Variants in PGBD2 observed in about 807,000 individuals in gnomAD.
The protein encoded by PGBD2 is piggyBac transposable element-derived protein 2.
A neutral mutation model predicts 8.1 loss-of-function variants in PGBD2; 6 were observed. The observed-to-expected ratio is 0.74, with a 90% CI of 0.40 to 1.46. The LOEUF (loss-of-function observed/expected upper bound fraction) is 1.46, where lower values mean the gene tolerates loss of function less well. PGBD2 is among the 40% of genes most tolerant of loss of function. The pLI is 0.02. For missense variants in PGBD2, 802 were observed against 739.0 expected (o/e 1.09, Z -0.99); for synonymous variants, 318 against 272.2 (o/e 1.17, Z -1.66).
downstream of PGBD2, among the ~76,000 whole-genome samples, chr1:248,922,393 C>T (rs1161490801): frequency 6.6e-6 from 1 of 152,180 alleles, no homozygotes; most frequent in Admixed American, 6.5e-5. Context: ...ACAATCATGT[C>T]ATCTGCAAAC....
downstream of PGBD2, among the ~76,000 whole-genome samples, chr1:248,922,521 C>G (rs556889625): frequency 3.9e-5 from 6 of 152,152 alleles, no homozygotes; most frequent in African/African-American, 1.4e-4. Flanking sequence ...GAGAGGGCAT[C>G]CTTGTCTTGT....
chr1:248,925,550 T>C, the PGBD2 span, among the ~76,000 whole-genome samples: 1 of 151,766 alleles, frequency 6.6e-6, no homozygotes, highest in Admixed American at 6.6e-5. Flanking sequence ...TAGGATATTT[T>C]CTAACCTCTG....
At chr1:248,890,117 G>C in the PGBD2 span, among the ~76,000 whole-genome samples, 1 of 151,846 alleles carries the variant, frequency 6.6e-6, no homozygotes, top group Non-Finnish European at 1.5e-5. Flanking sequence ...AGTAGAGACG[G>C]GGTTTCTCCA....
rs760946071 is a variant in PGBD2, at chr1:248,918,269, G to A, written c.1685G>A (p.Arg562Gln). Reference sequence around the variant, plus strand: ...ATTATCCATCAGGACAAGAGGACCCGGTGTGCCCTCTGCCACTCACAGACC... The same window carrying A: ...ATTATCCATCAGGACAAGAGGACCCAGTGTGCCCTCTGCCACTCACAGACC... ...HWIIHQDKRT[R>Q]CALCHSQTNT... The change falls in exon 3 of 3, where the codon CGG becomes CAG. Residue 562 changes from arginine (R) to glutamine (Q), a missense_variant. Arg to Gln is a conservative substitution (Grantham distance 43). Coordinates refer to ENST00000329291, the MANE Select transcript of PGBD2 (RefSeq NM_170725.3). The A allele has an allele frequency of 6.8e-6, 11 of 1,611,206 alleles. No individual in the cohort carries two copies. The highest frequency in any genetic ancestry group is 6.6e-5 in the South Asian group (6 of 90,532).
chr1:248,905,761 G>A (rs1030174293), upstream of PGBD2, among the ~76,000 whole-genome samples: 4 of 152,164 alleles, frequency 2.6e-5, no homozygotes, highest in Non-Finnish European at 5.9e-5. Flanking sequence ...GTCAAGAGTG[G>A]AGGTTGAGAA....
chr1:248,925,559 T>C, the PGBD2 span, among the ~76,000 whole-genome samples: 1 of 150,668 alleles, frequency 6.6e-6, no homozygotes, highest in Non-Finnish European at 1.5e-5. Flanking sequence ...TTCTAACCTC[T>C]GCTACCATGA....
At chr1:248,888,609 T>C in the PGBD2 span, among the ~76,000 whole-genome samples, 3,083 of 152,322 alleles carry the variant, frequency 0.02, 101 homozygotes, top group African/African-American at 0.069. Context: ...TGTTGATTTG[T>C]TTCAGTTCCT....
intron 2 of PGBD2, 140 bp from the exon 3 acceptor site, chr1:248,916,462 T>A: frequency 2.9e-6 from 2 of 679,722 alleles, no homozygotes; most frequent in Non-Finnish European, 4.9e-6. Context: ...ATTTACTTAC[T>A]AAATGCGGTG....
the PGBD2 span, among the ~76,000 whole-genome samples, chr1:248,887,245 T>G: frequency 6.6e-6 from 1 of 152,200 alleles, no homozygotes. Flanking sequence ...TACTCAAATT[T>G]CCCCAGCTTT....
At chr1:248,894,289 GT>G in the PGBD2 span, among the ~76,000 whole-genome samples, 98 of 151,002 alleles carry the variant, frequency 6.5e-4, no homozygotes, top group Non-Finnish European at 1.2e-3. Context: ...TTTTTTTGTG[GT>G]TTTTTTTGCC....
the PGBD2 span, among the ~76,000 whole-genome samples, chr1:248,927,260 G>T: frequency 6.6e-6 from 1 of 152,186 alleles, no homozygotes; most frequent in Non-Finnish European, 1.5e-5. Flanking sequence ...GCATGAGAAT[G>T]TCGGGAAGGG....
At chr1:248,927,184 T>C in the PGBD2 span, among the ~76,000 whole-genome samples, 36 of 152,258 alleles carry the variant, frequency 2.4e-4, no homozygotes, top group Non-Finnish European at 4.0e-4. Context: ...GGGCTGCATC[T>C]TAAAGAATGA....
chr1:248,905,944 G>T (rs1357203190), upstream of PGBD2, among the ~76,000 whole-genome samples: 1 of 152,160 alleles, frequency 6.6e-6, no homozygotes, highest in Non-Finnish European at 1.5e-5. Flanking sequence ...TGTTAGATTG[G>T]GGGCACATTT....
chr1:248,917,170 A>G lies in PGBD2; in HGVS notation c.586A>G (p.Arg196Gly). The change falls in exon 3 of 3, where the codon AGG (arginine) becomes GGG (glycine). Residue 196 changes from arginine (R) to glycine (G), a missense_variant. Coordinates refer to ENST00000329291, the MANE Select transcript of PGBD2 (RefSeq NM_170725.3). ...LILSGYISYP[R>G]RRMFWETSPD... ...TTTAAGTGGGTACATCTCTTATCCA[A>G]GGAGAAGGATGTTCTGGGAAACCTC... 1.2e-6 allele frequency: 2 copies of G among 1,614,092 alleles called. No individual in the cohort carries two copies. The highest frequency in any genetic ancestry group is 1.7e-6 in the Non-Finnish European group (2 of 1,179,962).
downstream of PGBD2, among the ~76,000 whole-genome samples, chr1:248,920,324 G>C (rs1662258940): frequency 6.6e-6 from 1 of 151,888 alleles, no homozygotes. Context: ...ACAGGTCCTG[G>C]TATGAGGTTC....
intron 2 of PGBD2, among the ~76,000 whole-genome samples, chr1:248,915,465 C>A (rs1662064649): frequency 6.6e-6 from 1 of 152,152 alleles, no homozygotes; most frequent in Non-Finnish European, 1.5e-5. Flanking sequence ...TGACTTTTTT[C>A]CCAACCATAG....
intron 1 of PGBD2, among the ~76,000 whole-genome samples, chr1:248,911,866 C>T (rs1661903780): frequency 6.6e-6 from 1 of 151,830 alleles, no homozygotes; most frequent in Non-Finnish European, 1.5e-5. Flanking sequence ...GTTCTGGGTG[C>T]AGCAGGGAGA....
intron 1 of PGBD2, among the ~76,000 whole-genome samples, chr1:248,907,445 C>T (rs1661694174): frequency 6.6e-6 from 1 of 152,234 alleles, no homozygotes; most frequent in African/African-American, 2.4e-5. Context: ...CTGCAAGAGG[C>T]TTTCCTCTTT....
At chr1:248,919,297 G>T (rs1662234176), downstream of PGBD2, 1 of 166,232 alleles carries the variant, frequency 6.0e-6, no homozygotes, top group Admixed American at 6.6e-5. Flanking sequence ...GAGTTCAATT[G>T]TTTTCATTTT....
Sources: gnomAD v4.1 joint callset for allele counts (sites outside exome capture counted in the v4.1 genomes callset) on GRCh38, gnomAD v4.1.1 for gene constraint, MANE v1.5 for transcripts, NCBI Gene and HGNC (gene_info 2026-07-23, HGNC 2026-07-21) for gene names.